Variants in CFAP92 observed in about 807,000 individuals in gnomAD.
The protein encoded by CFAP92 is cilia and flagella associated protein 92 (putative).
A neutral mutation model predicts 106.3 loss-of-function variants in CFAP92; 86 were observed. That is an observed-to-expected ratio of 0.81 (90% CI 0.68 to 0.97). CFAP92 has a LOEUF of 0.97. Ranked by LOEUF, CFAP92 falls within the 50% of genes least tolerant of loss-of-function variation. The pLI is 0.00. For missense variants in CFAP92, 1,204 were observed against 1,283.8 expected, an observed-to-expected ratio of 0.94 and a Z score of 0.95; for synonymous variants, 477 against 506.4, an observed-to-expected ratio of 0.94 and a Z score of 0.78.
Position 128,994,072 on chromosome 3 carries a change from A to G in CFAP92, c.-125T>C. 2 of 986,034 alleles carry G rather than the reference A, an allele frequency of 2.0e-6. No individual in the cohort carries two copies. Among genetic ancestry groups the G allele is most frequent in the Non-Finnish European group, 2.4e-6 (2 of 830,160 alleles). 61.1% of individuals were successfully genotyped at this position (986,034 alleles called of 1,614,324 possible). A position where few individuals can be genotyped will look rare whatever the true frequency, so the allele number is the denominator to read the frequency against. The stretch of plus-strand genomic sequence containing the variant: ...CAGCCACCTGGGCGAAGAGACTCCA[A>G]GACTGAGAGGAGCGTCCGCCGGTGC... On this transcript the variant is annotated 5_prime_UTR_variant, in exon 1 of 16. Coordinates refer to ENST00000645291, the MANE Select transcript of CFAP92 (RefSeq NM_001394090.1).
intron 8 of CFAP92, chr3:128,969,241 C>T (rs1184582058): frequency 1.3e-5 from 2 of 151,716 alleles, no homozygotes; most frequent in Admixed American, 1.3e-4. Context: ...AATCCCACCA[C>T]CCTTTGCTGA....
intron 9 of CFAP92, among the ~76,000 whole-genome samples, chr3:128,956,190 A>AAAAAT (rs1941367989): frequency 1.0e-5 from 1 of 99,444 alleles, no homozygotes; most frequent in Admixed American, 9.6e-5. Context: ...AAATTAAAAA[A>AAAAAT]AAAAATAAAA....
intron 15 of CFAP92, chr3:128,912,377 G>A (rs533860783): frequency 6.0e-5 from 45 of 746,766 alleles, no homozygotes; most frequent in Non-Finnish European, 1.0e-4. Flanking sequence ...GGGGTCTGGA[G>A]GAGGGGTTCA....
At chr3:128,985,757 C>G (rs139495159) in intron 4 of CFAP92, among the ~76,000 whole-genome samples, 2 of 152,186 alleles carry the variant, frequency 1.3e-5, no homozygotes, top group African/African-American at 2.4e-5. Flanking sequence ...TCCTATAGTC[C>G]AGGTGAGAAA....
In CFAP92 at chr3:128,924,432, C is replaced by CTTTTTTTT. The variant is rs71153151; in HGVS notation, c.2752-8169_2752-8162dup. ...TCCCAGGCTCATAGAACGATTGTAT[C>CTTTTTTTT]TTTTTTTTTTTTTTTTTTTTTTTTT... On this transcript the variant is annotated intron_variant, in intron 12 of 15. Coordinates refer to ENST00000645291, the MANE Select transcript of CFAP92 (RefSeq NM_001394090.1). Among the ~76,000 whole-genome samples the CTTTTTTTT allele has an allele frequency of 2.3e-4, 16 of 69,824 alleles. 2 individuals are homozygous for CTTTTTTTT. Among genetic ancestry groups the CTTTTTTTT allele is most frequent in the African/African-American group, 5.6e-4 (10 of 17,900 alleles). 45.8% of individuals were successfully genotyped at this position (69,824 alleles called of 152,430 possible).
intron 9 of CFAP92, among the ~76,000 whole-genome samples, chr3:128,951,020 C>T (rs79057774): frequency 0.037 from 5,639 of 152,216 alleles, 273 homozygotes; most frequent in African/African-American, 0.11. Flanking sequence ...TCTGTTCACT[C>T]TTTTCTGAAC....
At chr3:128,991,993 G>C (rs1030289053) in intron 2 of CFAP92, 16 of 519,530 alleles carry the variant, frequency 3.1e-5, no homozygotes, top group Non-Finnish European at 4.0e-5. Context: ...GAGTGTTTGT[G>C]GGGCTAGGCT....
At chr3:128,962,420 ACT>A (rs1393010047) in intron 9 of CFAP92, among the ~76,000 whole-genome samples, 1 of 151,626 alleles carries the variant, frequency 6.6e-6, no homozygotes, top group African/African-American at 2.4e-5. Flanking sequence ...TCTTTTATGC[ACT>A]CTTTTTTAGT....
chr3:128,914,120 A>G (rs1351480718), intron 15 of CFAP92, among the ~76,000 whole-genome samples: 1 of 152,180 alleles, frequency 6.6e-6, no homozygotes, highest in Non-Finnish European at 1.5e-5. Context: ...GACCCCAGCA[A>G]GTGTTTCTTA....
At chr3:128,914,556 G>A (rs545217728) in intron 15 of CFAP92, 1 of 152,580 alleles carries the variant, frequency 6.6e-6, no homozygotes, top group African/African-American at 2.4e-5. Flanking sequence ...CTGAACAAAG[G>A]TTCTGGCTCT....
chr3:128,989,620 G>A (rs1944091264), intron 2 of CFAP92, among the ~76,000 whole-genome samples: 1 of 152,180 alleles, frequency 6.6e-6, no homozygotes, highest in Admixed American at 6.5e-5. Context: ...TTACACTCCA[G>A]CTTAAACTGC....
At chr3:128,967,358 C>G (rs1388498276) in intron 8 of CFAP92, 1 of 152,188 alleles carries the variant, frequency 6.6e-6, no homozygotes, top group Non-Finnish European at 1.5e-5. Context: ...AAAGCTGTCA[C>G]CCATTACGCC....
At chr3:128,914,417 A>G (rs1936640795) in intron 15 of CFAP92, among the ~76,000 whole-genome samples, 1 of 152,198 alleles carries the variant, frequency 6.6e-6, no homozygotes, top group Non-Finnish European at 1.5e-5. Context: ...TAGCACTTCC[A>G]TGGAGCTGTG....
intron 8 of CFAP92, 37 bp from the exon 9 acceptor site, chr3:128,965,732 C>T (rs149221258): frequency 4.0e-5 from 16 of 398,312 alleles, no homozygotes; most frequent in South Asian, 1.3e-4. Flanking sequence ...CCTTTCCTCC[C>T]GACACCCCCA....
chr3:128,922,030 T>C (rs1006491153), intron 12 of CFAP92, among the ~76,000 whole-genome samples: 7 of 152,162 alleles, frequency 4.6e-5, no homozygotes, highest in Non-Finnish European at 2.9e-5. Context: ...TAATTGACTC[T>C]GATTATACCG....
the CFAP92 span, among the ~76,000 whole-genome samples, chr3:129,016,548 C>T: frequency 6.6e-6 from 1 of 151,626 alleles, no homozygotes; most frequent in Non-Finnish European, 1.5e-5. Context: ...CCGTGAGCTC[C>T]ACCTGCCTGC....
chr3:128,912,988 A>G (rs771856871), intron 15 of CFAP92: 11 of 466,630 alleles, frequency 2.4e-5, no homozygotes, highest in South Asian at 1.7e-4. Flanking sequence ...TCAACCACAC[A>G]TTCTCTAAGA....
intron 4 of CFAP92, among the ~76,000 whole-genome samples, chr3:128,985,201 G>A (rs1943776664): frequency 6.6e-6 from 1 of 152,238 alleles, no homozygotes; most frequent in African/African-American, 2.4e-5. Flanking sequence ...GCTCACGCTT[G>A]TGATCCCAGC....
chr3:129,004,372 C>A (rs34643992), upstream of CFAP92, among the ~76,000 whole-genome samples: 32,202 of 105,518 alleles, frequency 0.31, 5,683 homozygotes, highest in African/African-American at 0.56. Flanking sequence ...TCACTCACCC[C>A]CCCCACCCAC....
Sources: allele counts gnomAD v4.1 joint callset (sites outside exome capture counted in the v4.1 genomes callset), GRCh38; gene constraint gnomAD v4.1.1; transcripts MANE v1.5; gene names NCBI Gene and HGNC (gene_info 2026-07-23, HGNC 2026-07-21).